RELB: variants seen among roughly 807,000 people sequenced by gnomAD.
The protein encoded by RELB is RELB proto-oncogene, NF-kB subunit.
RELB carries 14 observed loss-of-function variants against 55.4 expected under a neutral mutation model. That is an observed-to-expected ratio of 0.25 (90% CI 0.17 to 0.40). RELB has a LOEUF of 0.40. Ranked by LOEUF, RELB falls within the 10% of genes least tolerant of loss-of-function variation. The probability of loss-of-function intolerance (pLI) is 1.00; values close to 1 mark genes in which losing one functional copy is unlikely to be tolerated. For missense variants in RELB, 669 were observed against 830.7 expected, an observed-to-expected ratio of 0.81 and a Z score of 2.39; for synonymous variants, 409 against 371.3, an observed-to-expected ratio of 1.10 and a Z score of -1.17.
At chr19:45,004,586 C>T (rs1971259823) in intron 2 of RELB, among the ~76,000 whole-genome samples, 2 of 150,868 alleles carry the variant, frequency 1.3e-5, no homozygotes, top group South Asian at 2.1e-4. Flanking sequence ...AACATAATGT[C>T]GCCTGATGTG....
At chr19:45,012,815 G>C (rs1232646281) in intron 4 of RELB, among the ~76,000 whole-genome samples, 1 of 151,762 alleles carries the variant, frequency 6.6e-6, no homozygotes, top group African/African-American at 2.4e-5. Flanking sequence ...TTGGGAGGTC[G>C]AGGCGAGCGG....
At chr19:45,020,136 A>T (rs1455497315) in intron 4 of RELB, among the ~76,000 whole-genome samples, 1 of 152,112 alleles carries the variant, frequency 6.6e-6, no homozygotes, top group Non-Finnish European at 1.5e-5. Context: ...TTTACATATA[A>T]TGTATACATA....
intron 1 of RELB, among the ~76,000 whole-genome samples, chr19:45,002,450 T>C (rs1971225060): frequency 1.3e-5 from 2 of 152,238 alleles, no homozygotes. Context: ...CCTCCCGGGC[T>C]CAAGCAGTTC....
At position 45,034,305 on chromosome 19, in the gene RELB, C is replaced by A; in HGVS notation, c.1269C>A (p.Asn423Lys). 1 of 1,613,912 alleles carries A rather than the reference C, an allele frequency of 6.2e-7. No homozygotes were observed. ...TGCCCGACGTCCTTGGGGAGCTGAA[C>A]AGCTCTGGTGTGTGCCCTCTGCCCC... ...RGMPDVLGEL[N>K]SSDPHGIESK... Residue 423 changes from asparagine (N) to lysine (K), a missense_variant, in exon 10 of 12, where the codon AAC becomes AAA. Coordinates refer to ENST00000221452, the MANE Select transcript of RELB (RefSeq NM_006509.4).
intron 1 of RELB, among the ~76,000 whole-genome samples, chr19:45,002,558 G>A (rs1468095533): frequency 6.6e-6 from 1 of 152,148 alleles, no homozygotes; most frequent in African/African-American, 2.4e-5. Context: ...TCACCATGCT[G>A]GTCAGACTGG....
chr19:45,010,980 C>T (rs536099022), intron 3 of RELB, among the ~76,000 whole-genome samples: 17 of 151,810 alleles, frequency 1.1e-4, no homozygotes, highest in African/African-American at 3.4e-4. Context: ...CTCTGCCTCC[C>T]GAGTAGCTGG....
intron 2 of RELB, among the ~76,000 whole-genome samples, chr19:45,003,367 C>T (rs1018350080): frequency 1.3e-5 from 2 of 148,736 alleles, no homozygotes; most frequent in South Asian, 2.2e-4. Flanking sequence ...CCCAGCTACT[C>T]GGGAGGCTGA....
intron 5 of RELB, 103 bp downstream of exon 5, chr19:45,022,313 C>A: frequency 8.5e-7 from 1 of 1,170,412 alleles, no homozygotes; most frequent in Non-Finnish European, 1.2e-6. Flanking sequence ...CTTGGGTAAA[C>A]CCTCCCCACT....
Position 45,014,263 on chromosome 19 carries a change from A to T in RELB, c.504+1987A>T, listed in dbSNP as rs181052620. Among the ~76,000 whole-genome samples the T allele has an allele frequency of 2.4e-3, 337 of 141,074 alleles. 1 individual carries two copies. The highest frequency in any genetic ancestry group is 4.1e-3 in the Non-Finnish European group (271 of 66,456). The allele number at this position is 141,074 out of a possible 152,430, so 92.6% of individuals were successfully genotyped here. On this transcript the variant is annotated intron_variant, in intron 4 of 11. Transcript: ENST00000221452. ...CGGCTCACTGCAGCCTCCACCTCCC[A>T]GGCTCAAGAGACCCTCCCACCTCAG... is the stretch of plus-strand genomic sequence containing the variant.
rs1971364209 is a variant in RELB, at chr19:45,011,962, A to G, written c.190A>G (p.Asn64Asp). ...LEIIDEYIKENGFGLDGGQPG... is the reference protein window; with the variant it reads ...LEIIDEYIKEDGFGLDGGQPG... ...GATCATCGACGAGTACATCAAGGAG[A>G]ACGGCTTCGGCCTGGACGGGGGACA... is the stretch of plus-strand genomic sequence containing the variant. The change falls in exon 4 of 12, where the codon AAC (asparagine) becomes GAC (aspartate). Residue 64 changes from asparagine to aspartate, a missense_variant. Physicochemically the swap from Asn to Asp is conservative, Grantham distance 23. Coordinates refer to ENST00000221452, the MANE Select transcript of RELB (RefSeq NM_006509.4). 18 of 1,558,138 alleles carry G rather than the reference A, an allele frequency of 1.2e-5. No individual in the cohort carries two copies. The highest frequency in any genetic ancestry group is 1.6e-5 in the Non-Finnish European group (18 of 1,158,732).
rs1971626149 is a variant in RELB at position 45,031,895 on chromosome 19, C to T, written c.992-639C>T. 1.3e-5 allele frequency among the ~76,000 whole-genome samples: 2 copies of T among 151,616 alleles called. 1 individual carries two copies. The highest frequency in any genetic ancestry group is 4.2e-4 in the South Asian group (2 of 4,792). ...CTGGCAAGGGGGATATTAATTCTAC[C>T]TACCTCTTAAATTGTTATAAGGATT... On this transcript the variant is annotated intron_variant, in intron 8 of 11. Coordinates refer to ENST00000221452, the MANE Select transcript of RELB (RefSeq NM_006509.4).
chr19:45,009,960 C>CG, intron 3 of RELB, 138 bp downstream of exon 3: 1 of 886,478 alleles, frequency 1.1e-6, no homozygotes, highest in Non-Finnish European at 1.8e-6. Flanking sequence ...GGGATTTGAA[C>CG]GAAGTCATGC....
At chr19:45,032,774 C>T in intron 9 of RELB, 25 bp downstream of exon 9, 1 of 1,578,952 alleles carries the variant, frequency 6.3e-7, no homozygotes, top group East Asian at 2.3e-5. Flanking sequence ...CCAGGGTGAC[C>T]CACCACCTCG....
chr19:45,006,550 G>C (rs1748027443), intron 2 of RELB, among the ~76,000 whole-genome samples: 1 of 152,040 alleles, frequency 6.6e-6, no homozygotes, highest in Non-Finnish European at 1.5e-5. Context: ...CTGGACCCTG[G>C]GGATAAAATG....
chr19:45,001,648 C>T lies in RELB; in HGVS notation c.69C>T (p.Val23=). 1 of 1,523,700 alleles carries T rather than the reference C, an allele frequency of 6.6e-7. No homozygotes were observed. Among genetic ancestry groups the T allele is most frequent in the Non-Finnish European group, 8.8e-7 (1 of 1,141,832 alleles). The allele number at this position is 1,523,700 out of a possible 1,614,324, so 94.4% of individuals were successfully genotyped here. A position where few individuals can be genotyped will look rare whatever the true frequency, so the allele number is the denominator to read the frequency against. Residue 23 remains valine, a synonymous_variant, in exon 1 of 12, where the codon GTC becomes GTT. Transcript: ENST00000221452. ...GCCGGGCCATGCCGAGTCGCCGCGT[C>T]GCCAGACCGCCGGCTGCGCCGGAGC... ...PTGRAMPSRR[V]ARPPAAPELG...
chr19:45,019,359 T>C (rs1469153606), intron 4 of RELB, among the ~76,000 whole-genome samples: 14 of 152,052 alleles, frequency 9.2e-5, no homozygotes, highest in Non-Finnish European at 1.8e-4. Context: ...CCACCACGCC[T>C]GGCCGACACA....
intron 9 of RELB, among the ~76,000 whole-genome samples, chr19:45,032,954 T>C (rs1399853311): frequency 6.6e-6 from 1 of 152,182 alleles, no homozygotes; most frequent in Non-Finnish European, 1.5e-5. Flanking sequence ...ATGGAAATAA[T>C]AGTAGCTGTC....
chr19:45,003,474 CAAAAAAAAAAAA>C, intron 2 of RELB: 5 of 340,756 alleles, frequency 1.5e-5, no homozygotes, highest in African/African-American at 5.4e-5. Flanking sequence ...GACTCCGACT[CAAAAAAAAAAAA>C]AAAAAAAAAA....
chr19:45,021,739 T>A, intron 4 of RELB: 1 of 220,362 alleles, frequency 4.5e-6, no homozygotes, highest in Non-Finnish European at 9.0e-6. Flanking sequence ...CATGCCGGGC[T>A]AATTTTTGTA....
Sources: gnomAD v4.1 joint callset for allele counts (sites outside exome capture counted in the v4.1 genomes callset) on GRCh38, gnomAD v4.1.1 for gene constraint, MANE v1.5 for transcripts, NCBI Gene and HGNC (gene_info 2026-07-23, HGNC 2026-07-21) for gene names.